The following ERGIC3 variants were observed in gnomAD, a reference collection of about 807,000 sequenced individuals.
ERGIC3 encodes endoplasmic reticulum-Golgi intermediate compartment protein 3.
Under a neutral mutation model 54.7 loss-of-function variants are expected in ERGIC3, and 33 were observed. The ratio of observed to expected loss-of-function variants is 0.60; its 90% CI spans 0.46 to 0.81. The LOEUF (loss-of-function observed/expected upper bound fraction) is 0.81. Ranked by LOEUF, ERGIC3 falls within the 30% of genes least tolerant of loss-of-function variation. ERGIC3 has a pLI of 0.00. For missense variants in ERGIC3, 399 were observed against 488.4 expected (o/e 0.82, Z 1.73); for synonymous variants, 186 against 189.8 (o/e 0.98, Z 0.16).
intron 7 of ERGIC3, among the ~76,000 whole-genome samples, chr20:35,553,669 C>T (rs2064695019): frequency 6.6e-6 from 1 of 152,012 alleles, no homozygotes; most frequent in South Asian, 2.1e-4. Flanking sequence ...TGGGGAGGGG[C>T]CAGTGTGGGG....
intron 7 of ERGIC3, 43 bp downstream of exon 7, chr20:35,548,908 C>T (rs2147306197): frequency 6.2e-7 from 1 of 1,608,748 alleles, no homozygotes; most frequent in Non-Finnish European, 8.5e-7. Context: ...ATGCTGGCCA[C>T]CTTCTTGGTG....
Position 35,542,507 on chromosome 20 carries a change from C to T in ERGIC3, c.160-6C>T. The T allele has an allele frequency of 6.2e-7, 1 of 1,613,936 alleles. No individual in the cohort carries two copies. The highest frequency in any genetic ancestry group is 1.1e-5 in the South Asian group (1 of 91,080). On this transcript the variant is annotated splice_polypyrimidine_tract_variant and splice_region_variant and intron_variant, in intron 2 of 12. Transcript: ENST00000348547. Reference sequence around the variant, plus strand: ...GCTAAGTCTTACTGAGGTAGCGCTGCCCCAGGTGCATCCTGAGCTCTACGT... The same window carrying T: ...GCTAAGTCTTACTGAGGTAGCGCTGTCCCAGGTGCATCCTGAGCTCTACGT...
Position 35,557,236 on chromosome 20 carries a change from G to A in ERGIC3, c.1059G>A (p.Gly353=), listed in dbSNP as rs768814237. The part of the protein sequence containing the change: ...HFLTGVCAII[G]GMFTVAGLID... ...TGACAGGTGTGTGCGCCATCATTGG[G>A]GGCATGTTCACAGGTAAGAGGCCCA... Residue 353 remains glycine (G), a synonymous_variant, in exon 12 of 13, where the codon GGG becomes GGA. Transcript: ENST00000348547. 2 of 1,614,188 alleles carry A rather than the reference G, an allele frequency of 1.2e-6. No individual in the cohort carries two copies. Among genetic ancestry groups the A allele is most frequent in the Non-Finnish European group, 1.7e-6 (2 of 1,180,028 alleles).
At chr20:35,554,368 G>A (rs2064699792) in intron 7 of ERGIC3, 1 of 1,614,028 alleles carries the variant, frequency 6.2e-7, no homozygotes, top group Admixed American at 1.7e-5. Flanking sequence ...CCCCCATGCT[G>A]CAGTACATGC....
At chr20:35,544,489 G>A in intron 4 of ERGIC3, 1 of 290,800 alleles carries the variant, frequency 3.4e-6, no homozygotes. Context: ...AGCTCCTCCT[G>A]CCTCCTCTTA....
At chr20:35,549,087 C>G in intron 7 of ERGIC3, 1 of 667,930 alleles carries the variant, frequency 1.5e-6, no homozygotes, top group Non-Finnish European at 2.8e-6. Context: ...GGCTGTGTGA[C>G]TTTGAGAAGG....
Position 35,542,839 on chromosome 20 carries a change from A to G in ERGIC3, c.265A>G (p.Met89Val), listed in dbSNP as rs1158880144. Residue 89 changes from methionine (M) to valine (V), a missense_variant, in exon 4 of 13, where the codon ATG becomes GTG. Transcript: ENST00000348547. ...GCTTCCAGATCTGAGTATTGATGCC[A>G]TGGATGTGGCCGGAGAACAGCAGCT... ...MPCAYLSIDAMDVAGEQQLDV... is the reference protein window; with the variant it reads ...MPCAYLSIDAVDVAGEQQLDV... 2.5e-6 allele frequency: 4 copies of G among 1,613,952 alleles called. No individual in the cohort carries two copies. The highest frequency in any genetic ancestry group is 1.1e-5 in the South Asian group (1 of 91,084).
At position 35,551,229 on chromosome 20, in the gene ERGIC3, G is replaced by A. The variant is rs34209441; in HGVS notation, c.685+2364G>A. ...GAATTGCTTGAACCCAGGAGGCGGA[G>A]GTTGCAGGGAGCCGAGATTGTGCCA... On this transcript the variant is annotated intron_variant, in intron 7 of 12. Coordinates refer to ENST00000348547, the MANE Select transcript of ERGIC3 (RefSeq NM_015966.3). Among the ~76,000 whole-genome samples, 1,154 of 151,988 alleles carry A rather than the reference G, an allele frequency of 7.6e-3. 9 individuals carry two copies. The highest frequency in any genetic ancestry group is 0.013 in the Non-Finnish European group (860 of 67,978).
At chr20:35,542,282 C>T (rs779358256) in intron 1 of ERGIC3, 41 bp from the exon 2 acceptor site, 1 of 1,613,348 alleles carries the variant, frequency 6.2e-7, no homozygotes, top group Admixed American at 1.7e-5. Flanking sequence ...TCTGAGGGAG[C>T]GGATTCGAGG....
chr20:35,554,257 T>G, intron 7 of ERGIC3: 1 of 1,368,654 alleles, frequency 7.3e-7, no homozygotes. Flanking sequence ...GGGGCCAGAC[T>G]GTGTTGCTGA....
intron 4 of ERGIC3, chr20:35,543,716 G>A (rs1031190724): frequency 4.2e-6 from 2 of 470,998 alleles, no homozygotes; most frequent in Non-Finnish European, 8.8e-6. Flanking sequence ...TGGATGTGGA[G>A]TGGAGGAGAG....
intron 7 of ERGIC3, among the ~76,000 whole-genome samples, chr20:35,552,963 G>A (rs1032212486): frequency 1.4e-4 from 20 of 145,406 alleles, no homozygotes; most frequent in African/African-American, 4.8e-4. Flanking sequence ...GTTCCATATC[G>A]ATATCTAGGT....
rs145119222 is a variant in ERGIC3 at position 35,547,587 on chromosome 20, G to C, written c.461+82G>C. The C allele has an allele frequency of 1.7e-3, 2,292 of 1,316,126 alleles. 35 individuals carry two copies. In the East Asian group the frequency reaches 0.031, roughly 18 times the overall value. 81.5% of individuals were successfully genotyped at this position (1,316,126 alleles called of 1,614,324 possible). On this transcript the variant is annotated intron_variant, in intron 5 of 12. Coordinates refer to ENST00000348547, the MANE Select transcript of ERGIC3 (RefSeq NM_015966.3). Reference sequence around the variant, plus strand: ...CTCAGCCTCAGTCAGACTGTGGCAGGTGGGGAGGTCAGACCAAGAATCTAG... The same window carrying C: ...CTCAGCCTCAGTCAGACTGTGGCAGCTGGGGAGGTCAGACCAAGAATCTAG...
In ERGIC3 at chr20:35,556,082, C is replaced by T. The variant is rs1181855033; in HGVS notation, c.767C>T (p.Pro256Leu). The change falls in exon 9 of 13, where the codon CCA (proline) becomes CTA (leucine). Residue 256 changes from proline to leucine, a missense_variant. Pro to Leu is a moderately conservative substitution (Grantham distance 98). Transcript: ENST00000348547. ...CACCTGTCATTTGGGGAGGACTATC[C>T]AGGCATTGTGAACCCCCTGGACCAC... The part of the protein sequence containing the change: ...IQHLSFGEDY[P>L]GIVNPLDHTN... 1.2e-6 allele frequency: 2 copies of T among 1,614,056 alleles called. No individual in the cohort carries two copies. Among genetic ancestry groups the T allele is most frequent in the Non-Finnish European group, 1.7e-6 (2 of 1,180,048 alleles).
intron 8 of ERGIC3, 98 bp downstream of exon 8, chr20:35,555,173 A>C: frequency 2.2e-6 from 3 of 1,359,978 alleles, no homozygotes; most frequent in Non-Finnish European, 3.2e-6. Flanking sequence ...GGGGTAGTGC[A>C]TATGGAAAAA....
At position 35,548,544 on chromosome 20, in the gene ERGIC3, A is replaced by G. The variant is rs762997368; in HGVS notation, c.497A>G (p.Tyr166Cys). The change falls in exon 6 of 13, where the codon TAT (tyrosine) becomes TGT (cysteine). Residue 166 changes from tyrosine to cysteine, a missense_variant. By Grantham distance (194) the Tyr-to-Cys change is radical. Coordinates refer to ENST00000348547, the MANE Select transcript of ERGIC3 (RefSeq NM_015966.3). ...CNTCEDVREA[Y>C]RRRGWAFKNP... The stretch of plus-strand genomic sequence containing the variant: ...ACCTGTGAAGATGTGCGGGAGGCAT[A>G]TCGCCGTAGAGGCTGGGCCTTCAAG... 1 of 1,614,228 alleles carries G rather than the reference A, an allele frequency of 6.2e-7. No individual in the cohort carries two copies. The highest frequency in any genetic ancestry group is 1.1e-5 in the South Asian group (1 of 91,088).
In ERGIC3 at chr20:35,542,780, C is replaced by T. The variant is rs781781354; in HGVS notation, c.248-42C>T. The T allele has an allele frequency of 9.9e-6, 16 of 1,613,942 alleles. No individual in the cohort carries two copies. In the Admixed American group the frequency reaches 1.0e-4, roughly 10 times the overall value. Reference sequence around the variant, plus strand: ...CCCTCCAAAACCCACATCCCCTTGTCCCTAGGGTCCCAGTACCTTAGCCTG... The same window carrying T: ...CCCTCCAAAACCCACATCCCCTTGTTCCTAGGGTCCCAGTACCTTAGCCTG... On this transcript the variant is annotated intron_variant, in intron 3 of 12. Coordinates refer to ENST00000348547, the MANE Select transcript of ERGIC3 (RefSeq NM_015966.3).
chr20:35,557,621 T>A lies in ERGIC3; in HGVS notation c.*117T>A, dbSNP rs556780717. On this transcript the variant is annotated 3_prime_UTR_variant, in exon 13 of 13. Coordinates refer to ENST00000348547, the MANE Select transcript of ERGIC3 (RefSeq NM_015966.3). ...GCCCCAGGTTGATAAATCTATTGATTGATTGTGATAGTACTCACTGGTCTC... is the reference window on the plus strand; with the variant it reads ...GCCCCAGGTTGATAAATCTATTGATAGATTGTGATAGTACTCACTGGTCTC... 1.2e-6 allele frequency: 1 copy of A among 846,794 alleles called. No homozygotes were observed. The allele number at this position is 846,794 out of a possible 1,614,324, so 52.5% of individuals were successfully genotyped here.
chr20:35,556,890 G>A (rs1203077147), intron 10 of ERGIC3, 83 bp from the exon 11 acceptor site: 2 of 1,587,272 alleles, frequency 1.3e-6, no homozygotes, highest in Non-Finnish European at 1.7e-6. Flanking sequence ...CAACAGGAAA[G>A]GGGAAGGAGC....
Sources: gnomAD v4.1 joint callset for allele counts (sites outside exome capture counted in the v4.1 genomes callset) on GRCh38, gnomAD v4.1.1 for gene constraint, MANE v1.5 for transcripts, NCBI Gene and HGNC (gene_info 2026-07-23, HGNC 2026-07-21) for gene names.